Variants in ADAMTS7 observed in about 807,000 individuals in gnomAD.
The protein encoded by ADAMTS7 is A disintegrin and metalloproteinase with thrombospondin motifs 7.
A neutral mutation model predicts 172.6 loss-of-function variants in ADAMTS7; 89 were observed. The observed-to-expected ratio is 0.52, with a 90% CI of 0.43 to 0.61. ADAMTS7 has a LOEUF of 0.61. Among genes scored for constraint, ADAMTS7 ranks in the 20% least tolerant of loss-of-function variants. ADAMTS7 has a pLI of 0.00. For synonymous variants in ADAMTS7, 885 were observed against 978.4 expected, an observed-to-expected ratio of 0.90 and a Z score of 1.78; for missense variants, 1,973 against 2,355.6, an observed-to-expected ratio of 0.84 and a Z score of 3.36.
chr15:78,804,595 C>T (rs2055765682), intron 1 of ADAMTS7, among the ~76,000 whole-genome samples: 1 of 152,244 alleles, frequency 6.6e-6, no homozygotes, highest in Non-Finnish European at 1.5e-5. Context: ...CCAGTCTGTC[C>T]TCTGCCGAAC....
rs771237010 is a variant in ADAMTS7 at position 78,800,436 on chromosome 15, T to C, written c.212A>G (p.Asp71Gly). Reference sequence around the variant, plus strand: ...GGGCGCGTCTCGGCGCACAGATACATCCCGCTTGCGCAGTGCGCGGGGCCA... The same window carrying C: ...GGGCGCGTCTCGGCGCACAGATACACCCCGCTTGCGCAGTGCGCGGGGCCA... ...ELWPRALRKR[D>G]VSVRRDAPAF... Residue 71 changes from aspartate (D) to glycine (G), a missense_variant, in exon 2 of 24, where the codon GAT becomes GGT. Transcript: ENST00000388820. 1.9e-6 allele frequency: 3 copies of C among 1,610,832 alleles called. No homozygotes were observed. Among genetic ancestry groups the C allele is most frequent in the South Asian group, 2.2e-5 (2 of 90,746 alleles).
chr15:78,808,116 A>G (rs1365410339), intron 1 of ADAMTS7, among the ~76,000 whole-genome samples: 1 of 152,218 alleles, frequency 6.6e-6, no homozygotes, highest in Non-Finnish European at 1.5e-5. Context: ...TTGGCCTCCC[A>G]AAGTGCTGGA....
intron 8 of ADAMTS7, among the ~76,000 whole-genome samples, chr15:78,781,909 G>A (rs998190816): frequency 6.6e-6 from 1 of 152,204 alleles, no homozygotes; most frequent in Non-Finnish European, 1.5e-5. Flanking sequence ...AGCACTGCAC[G>A]CGTTTTCTCA....
chr15:78,777,945 T>C (rs2055375937), intron 8 of ADAMTS7, among the ~76,000 whole-genome samples: 1 of 152,128 alleles, frequency 6.6e-6, no homozygotes, highest in Non-Finnish European at 1.5e-5. Context: ...GCCCAGACCC[T>C]GGAGCCAGGC....
chr15:78,790,060 G>A (rs911616515), intron 6 of ADAMTS7, among the ~76,000 whole-genome samples: 4 of 152,226 alleles, frequency 2.6e-5, no homozygotes, highest in African/African-American at 9.6e-5. Context: ...GCACAGACCC[G>A]CACAGAACAA....
intron 1 of ADAMTS7, among the ~76,000 whole-genome samples, chr15:78,806,139 A>AC (rs2055792698): frequency 7.7e-6 from 1 of 129,722 alleles, no homozygotes; most frequent in African/African-American, 3.2e-5. Context: ...AAAAAAAAAA[A>AC]AAAAAAAAAA....
At position 78,764,593 on chromosome 15, in the gene ADAMTS7, G is replaced by GC; in HGVS notation, c.4380dup (p.Arg1461AlafsTer13). ...CCTGAGTGCCAGGTGGCACAGGGCC[G>GC]CAGGTGGCAGCGGCGGGCAGGCTGG... On this transcript the variant is annotated frameshift_variant, in exon 20 of 24. Coordinates refer to ENST00000388820, the MANE Select transcript of ADAMTS7 (RefSeq NM_014272.5). LOFTEE classifies it high-confidence loss of function. 1 of 1,560,230 alleles carries GC rather than the reference G, an allele frequency of 6.4e-7. No homozygotes were observed. The highest frequency in any genetic ancestry group is 8.6e-7 in the Non-Finnish European group (1 of 1,161,120).
intron 1 of ADAMTS7, chr15:78,810,689 C>T (rs2055854889): frequency 6.5e-6 from 1 of 153,646 alleles, no homozygotes; most frequent in African/African-American, 2.4e-5. Flanking sequence ...CTGGCGCCCT[C>T]GCCGGCTGTG....
At chr15:78,759,653 C>T in intron 23 of ADAMTS7, 75 bp from the exon 24 acceptor site, 3 of 1,416,354 alleles carry the variant, frequency 2.1e-6, no homozygotes, top group Non-Finnish European at 2.8e-6. Context: ...ACGCCAACCA[C>T]CTTAAGGAGG....
intron 8 of ADAMTS7, among the ~76,000 whole-genome samples, chr15:78,781,723 A>AT (rs1322047028): frequency 1.3e-5 from 2 of 151,704 alleles, no homozygotes; most frequent in African/African-American, 4.8e-5. Flanking sequence ...TACTATTCTG[A>AT]TTTTCTGAAG....
Position 78,762,542 on chromosome 15 carries a change from A to G in ADAMTS7, c.4764T>C (p.Gly1588=), listed in dbSNP as rs767678135. Residue 1588 remains glycine (G), a synonymous_variant, in exon 23 of 24, where the codon GGT becomes GGC. Transcript: ENST00000388820. ...CACACTTGACCAGGCGCCGCTGGAC[A>G]CCACCACCACAGGGGCCTGAGCACT... ...WGQCSGPCGG[G]VQRRLVKCVN... is the part of the protein sequence containing the mutation. The G allele has an allele frequency of 1.9e-5, 30 of 1,554,932 alleles. No individual in the cohort carries two copies. Among genetic ancestry groups the G allele is most frequent in the East Asian group, 7.3e-5 (3 of 41,356 alleles).
intron 9 of ADAMTS7, 38 bp downstream of exon 9, chr15:78,777,406 G>T: frequency 6.2e-7 from 1 of 1,600,536 alleles, no homozygotes; most frequent in East Asian, 2.2e-5. Flanking sequence ...CCTCCTGCCG[G>T]GTCCCCACAC....
intron 8 of ADAMTS7, among the ~76,000 whole-genome samples, chr15:78,784,105 A>G (rs1202034793): frequency 1.3e-5 from 2 of 152,120 alleles, no homozygotes; most frequent in East Asian, 3.9e-4. Flanking sequence ...ACGCTGGCTC[A>G]TGACTGTAAT....
At chr15:78,793,715 G>A (rs11632102) in intron 4 of ADAMTS7, among the ~76,000 whole-genome samples, 44,566 of 152,136 alleles carry the variant, frequency 0.29, 8,385 homozygotes, top group Non-Finnish European at 0.43. Context: ...CAGGTAGAGC[G>A]ATGGCTCTCA....
intron 4 of ADAMTS7, 57 bp downstream of exon 4, chr15:78,796,533 T>G: frequency 1.9e-6 from 3 of 1,561,024 alleles, no homozygotes; most frequent in East Asian, 2.3e-5. Context: ...ACCCACTCTT[T>G]GCACCCCACC....
intron 1 of ADAMTS7, among the ~76,000 whole-genome samples, chr15:78,803,392 T>G (rs2055750487): frequency 6.6e-6 from 1 of 151,296 alleles, no homozygotes; most frequent in African/African-American, 2.4e-5. Context: ...AAAAATAATT[T>G]AAAAAGTAGG....
At chr15:78,793,399 G>T (rs1329872762) in intron 4 of ADAMTS7, among the ~76,000 whole-genome samples, 3 of 150,434 alleles carry the variant, frequency 2.0e-5, no homozygotes, top group Non-Finnish European at 4.4e-5. Flanking sequence ...TGTCACTCAA[G>T]ATGGAGTGCA....
intron 1 of ADAMTS7, among the ~76,000 whole-genome samples, chr15:78,807,247 T>C (rs2055809460): frequency 6.6e-6 from 1 of 152,070 alleles, no homozygotes; most frequent in Non-Finnish European, 1.5e-5. Context: ...ATGCATGTGG[T>C]TGGGGAATGG....
intron 1 of ADAMTS7, among the ~76,000 whole-genome samples, chr15:78,804,095 G>GA (rs1326915784): frequency 1.3e-5 from 2 of 152,160 alleles, no homozygotes; most frequent in Non-Finnish European, 2.9e-5. Context: ...GACTGGCCTA[G>GA]AGCCACACAG....
Sources: allele counts gnomAD v4.1 joint callset (sites outside exome capture counted in the v4.1 genomes callset), GRCh38; gene constraint gnomAD v4.1.1; transcripts MANE v1.5; gene names NCBI Gene and HGNC (gene_info 2026-07-23, HGNC 2026-07-21).